Variants in KAZN observed in about 807,000 individuals in gnomAD.
The protein encoded by KAZN is kazrin, periplakin interacting protein.
Under a neutral mutation model 87.4 loss-of-function variants are expected in KAZN, and 40 were observed. The ratio of observed to expected loss-of-function variants is 0.46; its 90% CI spans 0.36 to 0.60. KAZN has a LOEUF of 0.60. Among genes scored for constraint, KAZN ranks in the 20% least tolerant of loss-of-function variants. The pLI, the probability that KAZN is intolerant of heterozygous loss-of-function variation, is 0.00. For synonymous variants in KAZN, 466 were observed against 458.3 expected (o/e 1.02, Z -0.22); for missense variants, 898 against 1,073.9 (o/e 0.84, Z 2.29).
intron 2 of KAZN, among the ~76,000 whole-genome samples, chr1:14,319,919 C>T (rs1395580425): frequency 2.0e-5 from 3 of 152,146 alleles, no homozygotes; most frequent in Admixed American, 2.0e-4. Flanking sequence ...CCAACCCTGA[C>T]TCATTCATAA....
At chr1:14,736,257 GT>G (rs1557437513) in intron 1 of KAZN, among the ~76,000 whole-genome samples, 5,733 of 99,392 alleles carry the variant, frequency 0.058, 183 homozygotes, top group East Asian at 0.12. Flanking sequence ...ACTCAAGGGT[GT>G]GTGTGTGTGT....
At chr1:14,660,555 T>C (rs1372325466) in intron 1 of KAZN, among the ~76,000 whole-genome samples, 4 of 145,794 alleles carry the variant, frequency 2.7e-5, no homozygotes, top group African/African-American at 5.1e-5. Context: ...TTTTTTTTTT[T>C]TTTTTTTTTT....
intron 1 of KAZN, among the ~76,000 whole-genome samples, chr1:14,159,667 A>T (rs1468139809): frequency 6.6e-6 from 1 of 152,136 alleles, no homozygotes; most frequent in Admixed American, 6.5e-5. Flanking sequence ...GCTTTTCTCA[A>T]GTGAAAGGAG....
Position 14,140,542 on chromosome 1 carries a change from C to T in KAZN, c.92-39893C>T, listed in dbSNP as rs1007050994. Reference sequence around the variant, plus strand: ...AGGGAGGCCTTCCCACCCCCCTTTTCGCTATCCCATATTTTCTTTCCTCTT... The same window carrying T: ...AGGGAGGCCTTCCCACCCCCCTTTTTGCTATCCCATATTTTCTTTCCTCTT... On this transcript the variant is annotated intron_variant, in intron 1 of 16. Transcript: ENST00000636203. Among the ~76,000 whole-genome samples, 6 of 152,058 alleles carry T rather than the reference C, an allele frequency of 3.9e-5. No individual in the cohort carries two copies. The East Asian group carries it at 7.7e-4, about 20-fold the overall frequency.
At chr1:14,796,670 A>C (rs541444260) in intron 1 of KAZN, among the ~76,000 whole-genome samples, 1 of 152,372 alleles carries the variant, frequency 6.6e-6, no homozygotes, top group South Asian at 2.1e-4. Flanking sequence ...ATTTGTAAGC[A>C]TGGCACCAGG....
intron 1 of KAZN, among the ~76,000 whole-genome samples, chr1:14,049,283 A>G (rs1320482053): frequency 1.3e-5 from 2 of 151,716 alleles, no homozygotes; most frequent in Non-Finnish European, 2.9e-5. Context: ...ACATGGACAC[A>G]AGAAGGGGAA....
At chr1:14,987,778 A>G (rs965748293) in intron 2 of KAZN, among the ~76,000 whole-genome samples, 3 of 152,156 alleles carry the variant, frequency 2.0e-5, no homozygotes, top group Non-Finnish European at 4.4e-5. Context: ...AAGCCACTTG[A>G]TCGGATTTCA....
chr1:14,006,831 T>A (rs781097853), intron 1 of KAZN, among the ~76,000 whole-genome samples: 1 of 152,216 alleles, frequency 6.6e-6, no homozygotes, highest in East Asian at 1.9e-4. Flanking sequence ...TGTGGTTCCA[T>A]GTGAATTTTA....
chr1:14,818,809 C>T (rs1646651460), intron 1 of KAZN, among the ~76,000 whole-genome samples: 1 of 152,124 alleles, frequency 6.6e-6, no homozygotes, highest in Non-Finnish European at 1.5e-5. Flanking sequence ...AACCCCAGCA[C>T]TTTGGGAGGC....
intron 1 of KAZN, among the ~76,000 whole-genome samples, chr1:14,133,548 G>A (rs1191672217): frequency 1.3e-5 from 2 of 152,138 alleles, no homozygotes; most frequent in African/African-American, 2.4e-5. Context: ...GGCTTGCCCA[G>A]TGTCTTTTCT....
At chr1:14,984,151 G>T (rs1666539133) in intron 2 of KAZN, among the ~76,000 whole-genome samples, 1 of 151,860 alleles carries the variant, frequency 6.6e-6, no homozygotes, top group Non-Finnish European at 1.5e-5. Context: ...CAGATCACTT[G>T]AAGTCAGGAG....
At chr1:14,480,864 A>G (rs2148390967) in intron 2 of KAZN, among the ~76,000 whole-genome samples, 1 of 147,272 alleles carries the variant, frequency 6.8e-6, no homozygotes. Flanking sequence ...CACTCCCCTT[A>G]GCTGCTCACA....
At chr1:14,605,054 G>A (rs1177928852) in intron 1 of KAZN, among the ~76,000 whole-genome samples, 3 of 152,238 alleles carry the variant, frequency 2.0e-5, no homozygotes, top group African/African-American at 7.2e-5. Flanking sequence ...AGAACAGAGC[G>A]CCCCTTTTAA....
intron 2 of KAZN, among the ~76,000 whole-genome samples, chr1:15,010,386 C>CTTTT (rs34697316): frequency 9.0e-5 from 7 of 78,212 alleles, no homozygotes; most frequent in Non-Finnish European, 1.5e-4. Context: ...GGTTGTCTTG[C>CTTTT]TTTTTTTTTT....
At chr1:14,242,804 AC>A (rs1649098668) in intron 2 of KAZN, among the ~76,000 whole-genome samples, 1 of 152,170 alleles carries the variant, frequency 6.6e-6, no homozygotes, top group Non-Finnish European at 1.5e-5. Context: ...TTGGCAATTC[AC>A]CATCATTACA....
At chr1:13,911,592 T>C (rs1006826270) in intron 1 of KAZN, among the ~76,000 whole-genome samples, 3 of 152,182 alleles carry the variant, frequency 2.0e-5, no homozygotes, top group Admixed American at 2.0e-4. Context: ...ATTCTCCTGT[T>C]TTCTGATGCT....
chr1:14,879,188 G>A (rs1035758463), intron 1 of KAZN, among the ~76,000 whole-genome samples: 1 of 152,132 alleles, frequency 6.6e-6, no homozygotes, highest in Non-Finnish European at 1.5e-5. Context: ...ACCTTGTGCT[G>A]GTCACCTGGT....
chr1:14,997,792 G>A (rs1451965544), intron 2 of KAZN, among the ~76,000 whole-genome samples: 1 of 152,062 alleles, frequency 6.6e-6, no homozygotes, highest in Non-Finnish European at 1.5e-5. Flanking sequence ...GGTCCACTGG[G>A]GCCTCACAGA....
chr1:14,967,163 TGTG>T (rs1399154039), intron 2 of KAZN, among the ~76,000 whole-genome samples: 1 of 152,074 alleles, frequency 6.6e-6, no homozygotes, highest in Admixed American at 6.6e-5. Context: ...CTATGTGAAG[TGTG>T]GTGTTTTAGG....
Sources: gnomAD v4.1 joint callset for allele counts (sites outside exome capture counted in the v4.1 genomes callset) on GRCh38, gnomAD v4.1.1 for gene constraint, MANE v1.5 for transcripts, NCBI Gene and HGNC (gene_info 2026-07-23, HGNC 2026-07-21) for gene names.